Variants in ZFPM2 observed in about 807,000 individuals in gnomAD.
ZFPM2 encodes zinc finger protein ZFPM2.
ZFPM2 carries 20 observed loss-of-function variants against 98.6 expected under a neutral mutation model. The observed-to-expected ratio is 0.20, with a 90% CI of 0.14 to 0.29. The LOEUF (loss-of-function observed/expected upper bound fraction) is 0.29. Among genes scored for constraint, ZFPM2 ranks in the 10% least tolerant of loss-of-function variants. ZFPM2 has a pLI of 1.00. For synonymous variants in ZFPM2, 518 were observed against 502.7 expected (o/e 1.03, Z -0.41); for missense variants, 1,310 against 1,388.6 (o/e 0.94, Z 0.90).
chr8:105,596,134 T>A lies in ZFPM2; in HGVS notation c.420+34653T>A, dbSNP rs527398513. ...TGTTAAGATTTATGGCAAATGGTAG[T>A]ATCCATATCAAAATGGAAGAGCAGG... On this transcript the variant is annotated intron_variant, in intron 4 of 7. Coordinates refer to ENST00000407775, the MANE Select transcript of ZFPM2 (RefSeq NM_012082.4). Among the ~76,000 whole-genome samples the A allele has an allele frequency of 1.4e-4, 22 of 152,180 alleles. No homozygotes were observed. In the East Asian group the frequency reaches 3.9e-3, roughly 27 times the overall value.
chr8:105,660,787 G>C (rs544586275), intron 5 of ZFPM2, among the ~76,000 whole-genome samples: 12 of 152,192 alleles, frequency 7.9e-5, no homozygotes, highest in African/African-American at 2.6e-4. Flanking sequence ...TAAAACGTAG[G>C]TATCTCTTAA....
Position 105,634,401 on chromosome 8 carries a change from C to G in ZFPM2, c.532+44C>G, listed in dbSNP as rs189442220. On this transcript the variant is annotated intron_variant, in intron 5 of 7. Transcript: ENST00000407775. ...CCCTCTCTCTTTGGAAGTATTAAAA[C>G]CTGAGCATTGCAAAACAGCACCAGA... 84 of 1,478,704 alleles carry G rather than the reference C, an allele frequency of 5.7e-5. No individual in the cohort carries two copies. The Middle Eastern group carries it at 8.5e-4, about 15-fold the overall frequency. The allele number at this position is 1,478,704 out of a possible 1,614,324, so 91.6% of individuals were successfully genotyped here.
intron 1 of ZFPM2, among the ~76,000 whole-genome samples, chr8:105,339,594 C>T (rs1005089948): frequency 3.3e-5 from 5 of 151,834 alleles, no homozygotes; most frequent in East Asian, 1.9e-4. Flanking sequence ...ACATTGGACC[C>T]GGATTGTGTG....
chr8:105,715,158 G>C (rs1309039521), intron 5 of ZFPM2, among the ~76,000 whole-genome samples: 1 of 151,980 alleles, frequency 6.6e-6, no homozygotes, highest in Non-Finnish European at 1.5e-5. Context: ...CCATACTTTG[G>C]GAGTCCAAGA....
At chr8:105,360,276 G>T (rs1293947903) in intron 1 of ZFPM2, among the ~76,000 whole-genome samples, 1 of 152,018 alleles carries the variant, frequency 6.6e-6, no homozygotes, top group African/African-American at 2.4e-5. Context: ...ACTTTAAAAA[G>T]TATTCAGACA....
At chr8:105,507,277 A>C in intron 3 of ZFPM2, among the ~76,000 whole-genome samples, 1 of 152,200 alleles carries the variant, frequency 6.6e-6, no homozygotes, top group Non-Finnish European at 1.5e-5. Flanking sequence ...AGAGACTAAG[A>C]GTGATCTCAG....
chr8:105,397,790 A>G (rs896488814), intron 1 of ZFPM2, among the ~76,000 whole-genome samples: 5 of 152,148 alleles, frequency 3.3e-5, no homozygotes, highest in Non-Finnish European at 4.4e-5. Context: ...TGTTTCTCCA[A>G]ACAGACTTGG....
intron 1 of ZFPM2, among the ~76,000 whole-genome samples, chr8:105,350,023 G>A (rs1055309583): frequency 1.2e-4 from 18 of 151,968 alleles, no homozygotes; most frequent in Non-Finnish European, 2.6e-4. Context: ...GTTTTTTTAC[G>A]TTTTTAAGGT....
rs1563659875 is a variant in ZFPM2, at chr8:105,441,486, G to GAAAGAAAGAAAA, written c.200-2783_200-2782insAAAAGAAAGAAA. The stretch of plus-strand genomic sequence containing the variant: ...AGAAAGAAAGAAAGAAAGAAAGAAA[G>GAAAGAAAGAAAA]AAAGAAAGAAAGAAATCAAAGCCCA... On this transcript the variant is annotated intron_variant, in intron 2 of 7. Transcript: ENST00000407775. Among the ~76,000 whole-genome samples the GAAAGAAAGAAAA allele has an allele frequency of 6.8e-5, 5 of 74,062 alleles. 1 individual carries two copies. Among genetic ancestry groups the GAAAGAAAGAAAA allele is most frequent in the African/African-American group, 3.3e-4 (3 of 9,054 alleles). The allele number at this position is 74,062 out of a possible 152,430, so 48.6% of individuals were successfully genotyped here.
intron 4 of ZFPM2, among the ~76,000 whole-genome samples, chr8:105,601,578 A>G (rs1261922504): frequency 6.6e-6 from 1 of 152,140 alleles, no homozygotes. Flanking sequence ...AGTAGAGATA[A>G]CAGTATAACC....
intron 4 of ZFPM2, among the ~76,000 whole-genome samples, chr8:105,604,981 G>C (rs1208471612): frequency 6.6e-6 from 1 of 152,000 alleles, no homozygotes; most frequent in East Asian, 1.9e-4. Flanking sequence ...TGAATAAAAT[G>C]ACATTTTAAA....
chr8:105,499,861 T>C (rs1644970870), intron 3 of ZFPM2, among the ~76,000 whole-genome samples: 1 of 152,150 alleles, frequency 6.6e-6, no homozygotes, highest in South Asian at 2.1e-4. Flanking sequence ...ATTAGAAATG[T>C]AGGATTTGCA....
chr8:105,377,607 C>CAAAAAAAAAAAAAAAA lies in ZFPM2; in HGVS notation c.41-41526_41-41511dup, dbSNP rs36124912. Reference sequence around the variant, plus strand: ...CAAAACCCCGTTTTTCTTAAAAATCCAAAAAAAAAAAAAAAAAAAAAAAAA... The same window carrying CAAAAAAAAAAAAAAAA: ...CAAAACCCCGTTTTTCTTAAAAATCCAAAAAAAAAAAAAAAAAAAAAAAAAAAAAAAAAAAAAAAAA... On this transcript the variant is annotated intron_variant, in intron 1 of 7. Transcript: ENST00000407775. 3.3e-4 allele frequency among the ~76,000 whole-genome samples: 21 copies of CAAAAAAAAAAAAAAAA among 63,876 alleles called. 8 individuals carry two copies. The highest frequency in any genetic ancestry group is 1.0e-3 in the African/African-American group (17 of 16,590). The allele number at this position is 63,876 out of a possible 152,430, so 41.9% of individuals were successfully genotyped here.
intron 1 of ZFPM2, among the ~76,000 whole-genome samples, chr8:105,350,482 G>A (rs898730780): frequency 1.1e-4 from 17 of 152,170 alleles, no homozygotes; most frequent in Non-Finnish European, 2.2e-4. Context: ...AAAGAGAGTA[G>A]TGTAGATTGA....
At chr8:105,475,072 T>G (rs1427466242) in intron 3 of ZFPM2, among the ~76,000 whole-genome samples, 1 of 152,198 alleles carries the variant, frequency 6.6e-6, no homozygotes, top group African/African-American at 2.4e-5. Flanking sequence ...TAAAAGTACT[T>G]CATTTCTTTT....
In ZFPM2 at chr8:105,444,260, CT is replaced by C. The variant is rs1563661623; in HGVS notation, c.200-18del. On this transcript the variant is annotated intron_variant, in intron 2 of 7. Transcript: ENST00000407775. ...GAGCTTTGCTCATTTTCTTTCTCTC[CT>C]TGTGTTGGTGTTTTCCAGGTGATGA... The C allele has an allele frequency of 6.3e-7, 1 of 1,588,594 alleles. No individual in the cohort carries two copies. Among genetic ancestry groups the C allele is most frequent in the African/African-American group, 1.3e-5 (1 of 74,492 alleles).
chr8:105,379,860 A>T (rs926437579), intron 1 of ZFPM2, among the ~76,000 whole-genome samples: 1 of 152,114 alleles, frequency 6.6e-6, no homozygotes, highest in African/African-American at 2.4e-5. Context: ...CAGTAAAGTG[A>T]TGTAATTTTA....
At chr8:105,340,598 T>A (rs1461575444) in intron 1 of ZFPM2, among the ~76,000 whole-genome samples, 3 of 152,002 alleles carry the variant, frequency 2.0e-5, no homozygotes, top group Non-Finnish European at 4.4e-5. Context: ...TTGTAAAAAG[T>A]ATTGATGTGT....
rs1816454453 is a variant in ZFPM2, at chr8:105,617,917, CACTA to C, written c.421-16324_421-16321del. On this transcript the variant is annotated intron_variant, in intron 4 of 7. Transcript: ENST00000407775. Reference sequence around the variant, plus strand: ...TCGCTGTTTTTCAATATTTTAAAATCACTAACTAGACTATGTTCGGTCTTTTCCC... The same window carrying C: ...TCGCTGTTTTTCAATATTTTAAAATCACTAGACTATGTTCGGTCTTTTCCC... Among the ~76,000 whole-genome samples, 2 of 152,040 alleles carry C rather than the reference CACTA, an allele frequency of 1.3e-5. 1 individual carries two copies. The highest frequency in any genetic ancestry group is 2.9e-5 in the Non-Finnish European group (2 of 67,992).
Sources: gnomAD v4.1 joint callset for allele counts (sites outside exome capture counted in the v4.1 genomes callset) on GRCh38, gnomAD v4.1.1 for gene constraint, MANE v1.5 for transcripts, NCBI Gene and HGNC (gene_info 2026-07-23, HGNC 2026-07-21) for gene names.